Variants in POR observed in about 807,000 individuals in gnomAD.
The protein encoded by POR is NADPH--cytochrome P450 reductase.
Under a neutral mutation model 84.0 loss-of-function variants are expected in POR, and 56 were observed. The ratio of observed to expected loss-of-function variants is 0.67; its 90% CI spans 0.54 to 0.83. POR has a LOEUF of 0.83. Among genes scored for constraint, POR ranks in the 40% least tolerant of loss-of-function variants. The pLI is 0.00. For synonymous variants in POR, 414 were observed against 400.5 expected, an observed-to-expected ratio of 1.03 and a Z score of -0.40; for missense variants, 938 against 944.3, an observed-to-expected ratio of 0.99 and a Z score of 0.09.
At chr7:75,923,516 T>G (rs1173695030) in intron 1 of POR, 4 of 473,152 alleles carry the variant, frequency 8.5e-6, no homozygotes, top group Non-Finnish European at 1.5e-5. Flanking sequence ...GGGGGCGGGG[T>G]GGAATTTTTA....
chr7:75,966,865 C>G (rs1042832453), intron 2 of POR, among the ~76,000 whole-genome samples: 3 of 152,174 alleles, frequency 2.0e-5, no homozygotes, highest in Admixed American at 2.0e-4. Context: ...GCGTGGAGAG[C>G]CTTAATTGGA....
intron 1 of POR, among the ~76,000 whole-genome samples, chr7:75,953,030 T>C (rs570283678): frequency 2.0e-5 from 3 of 152,138 alleles, no homozygotes; most frequent in African/African-American, 4.8e-5. Context: ...CTGGGCACCA[T>C]TGAGCACTGA....
intron 11 of POR, 23 bp from the exon 12 acceptor site, chr7:75,985,035 C>T (rs1789337591): frequency 1.3e-6 from 2 of 1,587,456 alleles, no homozygotes; most frequent in Non-Finnish European, 1.7e-6. Flanking sequence ...CAATCAGCCC[C>T]ATCTCACCCC....
chr7:75,961,377 T>C (rs1227200052), intron 2 of POR, among the ~76,000 whole-genome samples: 13 of 152,040 alleles, frequency 8.6e-5, no homozygotes, highest in African/African-American at 3.1e-4. Context: ...ACGAGGCCTG[T>C]GCGCTGCATT....
At chr7:75,935,880 A>T (rs1455720692) in intron 1 of POR, among the ~76,000 whole-genome samples, 1 of 151,494 alleles carries the variant, frequency 6.6e-6, no homozygotes, top group Non-Finnish European at 1.5e-5. Context: ...CACTCCCCCA[A>T]TAGCGCATTC....
chr7:75,977,918 C>T (rs1395475226), intron 3 of POR, among the ~76,000 whole-genome samples: 3 of 152,248 alleles, frequency 2.0e-5, no homozygotes, highest in Non-Finnish European at 4.4e-5. Flanking sequence ...TTGCAAAGCA[C>T]GTTCAATTGG....
At chr7:75,918,483 G>A (rs1176472777) in intron 1 of POR, among the ~76,000 whole-genome samples, 3 of 152,122 alleles carry the variant, frequency 2.0e-5, no homozygotes, top group Non-Finnish European at 4.4e-5. Flanking sequence ...ACTAAAGTCA[G>A]AGAAAGAACC....
rs190203517 is a variant in POR at position 75,969,193 on chromosome 7, C to T, written c.189-3220C>T. Among the ~76,000 whole-genome samples the T allele has an allele frequency of 3.3e-4, 51 of 152,294 alleles. 2 individuals are homozygous for T. The East Asian group carries it at 7.9e-3, about 24-fold the overall frequency. On this transcript the variant is annotated intron_variant, in intron 2 of 15. Coordinates refer to ENST00000461988, the MANE Select transcript of POR (RefSeq NM_000941.3). ...GATGTCTTTGAAATCACAGGCTGAC[C>T]GCCTTCCAGGGAATGCCCTTTTTTC...
In POR at chr7:75,986,511, C is replaced by A; in HGVS notation, c.*30C>A. 6.3e-7 allele frequency: 1 copy of A among 1,598,922 alleles called. No homozygotes were observed. Among genetic ancestry groups the A allele is most frequent in the South Asian group, 1.1e-5 (1 of 90,338 alleles). Reference sequence around the variant, plus strand: ...CTGCCTGCCCCACCCACCCCACAGACTCCGGCCTGTAATCAGCTCTCCTGG... The same window carrying A: ...CTGCCTGCCCCACCCACCCCACAGAATCCGGCCTGTAATCAGCTCTCCTGG... On this transcript the variant is annotated 3_prime_UTR_variant, in exon 16 of 16. Transcript: ENST00000461988.
intron 2 of POR, among the ~76,000 whole-genome samples, chr7:75,972,205 G>C (rs1554556242): frequency 6.6e-6 from 1 of 152,274 alleles, no homozygotes; most frequent in Non-Finnish European, 1.5e-5. Context: ...GGGTGAGCTG[G>C]TGCGGGAGGC....
At chr7:75,962,281 C>T (rs1585112528) in intron 2 of POR, among the ~76,000 whole-genome samples, 1 of 152,034 alleles carries the variant, frequency 6.6e-6, no homozygotes, top group Non-Finnish European at 1.5e-5. Context: ...AATTTGCATA[C>T]AGTAAAATGC....
At position 75,985,444 on chromosome 7, in the gene POR, G is replaced by A. The variant is rs1789378918; in HGVS notation, c.1399-135G>A. 5.0e-6 allele frequency: 6 copies of A among 1,202,766 alleles called. No homozygotes were observed. The East Asian group carries it at 7.8e-5, about 16-fold the overall frequency. The allele number at this position is 1,202,766 out of a possible 1,614,324, so 74.5% of individuals were successfully genotyped here. On this transcript the variant is annotated intron_variant, in intron 12 of 15. Coordinates refer to ENST00000461988, the MANE Select transcript of POR (RefSeq NM_000941.3). ...AGTCCGGGAAGCCGCTGGGGAGGGG[G>A]CCTCTGAGGTTTGGGTGCCAGGTGG...
At chr7:75,950,341 C>T (rs1384400682) in intron 1 of POR, among the ~76,000 whole-genome samples, 4 of 152,152 alleles carry the variant, frequency 2.6e-5, no homozygotes, top group African/African-American at 7.2e-5. Context: ...CTTGAGTCTG[C>T]GTTGAGAAGG....
intron 2 of POR, among the ~76,000 whole-genome samples, chr7:75,970,179 C>T (rs1554555932): frequency 2.0e-5 from 3 of 152,070 alleles, no homozygotes; most frequent in African/African-American, 7.2e-5. Flanking sequence ...TTTAAAATAT[C>T]TGCTCTGCTG....
At chr7:75,980,584 C>T (rs538279798) in intron 5 of POR, 96 bp downstream of exon 5, 15 of 1,609,978 alleles carry the variant, frequency 9.3e-6, no homozygotes, top group Non-Finnish European at 1.2e-5. Flanking sequence ...CCTCCAGACC[C>T]CCACCCTGTC....
chr7:75,944,029 AG>A (rs1267643212), intron 1 of POR: 5 of 332,328 alleles, frequency 1.5e-5, no homozygotes, highest in Admixed American at 7.4e-5. Context: ...GTGACATTAG[AG>A]GAGGCCCAGT....
At chr7:75,938,733 T>C (rs1563406325) in intron 1 of POR, among the ~76,000 whole-genome samples, 1 of 152,208 alleles carries the variant, frequency 6.6e-6, no homozygotes, top group Non-Finnish European at 1.5e-5. Context: ...CACTGCAGCC[T>C]TGGTGACTCC....
At chr7:75,933,384 T>G (rs1250766653) in intron 1 of POR, among the ~76,000 whole-genome samples, 2 of 87,448 alleles carry the variant, frequency 2.3e-5, no homozygotes, top group Non-Finnish European at 3.9e-5. Flanking sequence ...TTGTTTTTTT[T>G]TTTTTTTTTT....
chr7:75,916,662 G>A (rs568514363), intron 1 of POR, among the ~76,000 whole-genome samples: 3 of 152,268 alleles, frequency 2.0e-5, no homozygotes, highest in Non-Finnish European at 2.9e-5. Context: ...TGCCAGTTGC[G>A]TGGTGGTGTG....
Sources: allele counts gnomAD v4.1 joint callset (sites outside exome capture counted in the v4.1 genomes callset), GRCh38; gene constraint gnomAD v4.1.1; transcripts MANE v1.5; gene names NCBI Gene and HGNC (gene_info 2026-07-23, HGNC 2026-07-21).